The following PCDH15 variants were observed in gnomAD, a reference collection of about 807,000 sequenced individuals.
The protein encoded by PCDH15 is protocadherin related 15.
Under a neutral mutation model 178.5 loss-of-function variants are expected in PCDH15, and 129 were observed. The ratio of observed to expected loss-of-function variants is 0.72; its 90% CI spans 0.63 to 0.84. The LOEUF (loss-of-function observed/expected upper bound fraction) is 0.84, where lower values mean the gene tolerates loss of function less well. PCDH15 is among the 40% of genes least tolerant of loss of function. The probability of loss-of-function intolerance (pLI) is 0.00; values close to 1 mark genes in which losing one functional copy is unlikely to be tolerated. For synonymous variants in PCDH15, 800 were observed against 732.0 expected (o/e 1.09, Z -1.50); for missense variants, 2,230 against 2,099.9 (o/e 1.06, Z -1.21).
intron 2 of PCDH15, among the ~76,000 whole-genome samples, chr10:54,532,527 C>A (rs2084032954): frequency 6.6e-6 from 1 of 152,114 alleles, no homozygotes; most frequent in Admixed American, 6.6e-5. Context: ...TGTTTCTATT[C>A]CTCACGGTTG....
At chr10:54,944,485 GC>G (rs1381725372) in intron 2 of PCDH15, among the ~76,000 whole-genome samples, 1 of 151,918 alleles carries the variant, frequency 6.6e-6, no homozygotes, top group African/African-American at 2.4e-5. Context: ...AGTCAGAGGA[GC>G]TGTCTGGATT....
chr10:54,645,413 A>T (rs184990620), intron 2 of PCDH15, among the ~76,000 whole-genome samples: 17 of 152,240 alleles, frequency 1.1e-4, no homozygotes, highest in African/African-American at 4.1e-4. Context: ...ATAGAATAAC[A>T]CCCACACACG....
chr10:53,989,391 T>A (rs1419181809), intron 21 of PCDH15, among the ~76,000 whole-genome samples: 1 of 152,186 alleles, frequency 6.6e-6, no homozygotes, highest in African/African-American at 2.4e-5. Context: ...ATTATTTACA[T>A]CTGAATTGTT....
intron 6 of PCDH15, among the ~76,000 whole-genome samples, chr10:54,333,311 A>G (rs993841733): frequency 5.9e-5 from 9 of 152,106 alleles, no homozygotes; most frequent in African/African-American, 2.2e-4. Flanking sequence ...TTTATCATCA[A>G]TGGTGCTTCT....
intron 15 of PCDH15, among the ~76,000 whole-genome samples, chr10:54,098,669 G>T (rs2094748204): frequency 6.6e-6 from 1 of 152,108 alleles, no homozygotes; most frequent in Non-Finnish European, 1.5e-5. Flanking sequence ...TAAATATACT[G>T]TGCATAGTAG....
intron 1 of PCDH15, among the ~76,000 whole-genome samples, chr10:55,242,541 A>C (rs1410685603): frequency 6.6e-6 from 1 of 152,158 alleles, no homozygotes; most frequent in Non-Finnish European, 1.5e-5. Flanking sequence ...ATGAGAAGAT[A>C]AAATCACAAA....
chr10:54,428,506 C>T (rs1589363523), intron 3 of PCDH15, among the ~76,000 whole-genome samples: 1 of 152,176 alleles, frequency 6.6e-6, no homozygotes, highest in African/African-American at 2.4e-5. Context: ...GTAAATCTGG[C>T]AGCTTTTACT....
At chr10:53,820,581 T>TAAGTA (rs2076224403) in intron 32 of PCDH15, among the ~76,000 whole-genome samples, 1 of 152,076 alleles carries the variant, frequency 6.6e-6, no homozygotes, top group South Asian at 2.1e-4. Context: ...GAGTGTTTTA[T>TAAGTA]AAGTATTTGT....
At chr10:54,105,317 T>TATATATACACAC (rs1233590982) in intron 15 of PCDH15, among the ~76,000 whole-genome samples, 1 of 91,586 alleles carries the variant, frequency 1.1e-5, no homozygotes, top group Non-Finnish European at 2.2e-5. Flanking sequence ...TATATATATA[T>TATATATACACAC]ACACACACAC....
At chr10:54,513,784 A>G (rs2081942913) in intron 3 of PCDH15, among the ~76,000 whole-genome samples, 1 of 152,186 alleles carries the variant, frequency 6.6e-6, no homozygotes, top group Admixed American at 6.5e-5. Flanking sequence ...CACTTTCTCA[A>G]AAAACAGTAT....
intron 2 of PCDH15, among the ~76,000 whole-genome samples, chr10:55,503,032 G>T (rs574849619): frequency 1.5e-4 from 22 of 151,562 alleles, no homozygotes; most frequent in African/African-American, 5.3e-4. Flanking sequence ...AAATTATACA[G>T]ATTAACTCAT....
intron 2 of PCDH15, among the ~76,000 whole-genome samples, chr10:55,485,936 C>A (rs1565187512): frequency 6.6e-6 from 1 of 151,630 alleles, no homozygotes; most frequent in Non-Finnish European, 1.5e-5. Flanking sequence ...CAGAACCAAT[C>A]CGTAATAAAA....
chr10:54,550,872 T>C (rs1006366818), intron 2 of PCDH15, among the ~76,000 whole-genome samples: 1 of 152,076 alleles, frequency 6.6e-6, no homozygotes, highest in Non-Finnish European at 1.5e-5. Flanking sequence ...AAATGTCTTT[T>C]AGGCAGGGTG....
At chr10:55,506,653 A>G (rs1173911902) in intron 2 of PCDH15, among the ~76,000 whole-genome samples, 1 of 151,578 alleles carries the variant, frequency 6.6e-6, no homozygotes, top group African/African-American at 2.4e-5. Flanking sequence ...CACTTTATTC[A>G]AGGCTATAAT....
rs1431719581 is a variant in PCDH15, at chr10:54,709,855, T to G, written c.-28-45565A>C. ...AACTTATGGTTTTACTTTAACCAGA[T>G]TTTTAGGAATTTTCCACTCATGCAA... is the stretch of plus-strand genomic sequence containing the variant. On this transcript the variant is annotated intron_variant, in intron 1 of 37. Transcript: ENST00000644397. 2.8e-5 allele frequency among the ~76,000 whole-genome samples: 4 copies of G among 143,666 alleles called. No homozygotes were observed. In the Admixed American group the frequency reaches 2.8e-4, roughly 10 times the overall value. The allele number at this position is 143,666 out of a possible 152,430, so 94.3% of individuals were successfully genotyped here.
chr10:54,430,094 C>CTT (rs1956788738), intron 3 of PCDH15, among the ~76,000 whole-genome samples: 1 of 145,390 alleles, frequency 6.9e-6, no homozygotes, highest in African/African-American at 2.5e-5. Flanking sequence ...CTGGCTCTCT[C>CTT]ACCCAGGCTG....
chr10:55,146,428 G>C (rs1287887082), intron 2 of PCDH15, among the ~76,000 whole-genome samples: 1 of 151,880 alleles, frequency 6.6e-6, no homozygotes, highest in African/African-American at 2.4e-5. Flanking sequence ...CATTAACAAT[G>C]GTAGAGGCAA....
intron 1 of PCDH15, among the ~76,000 whole-genome samples, chr10:55,253,675 T>C (rs1841908558): frequency 6.6e-6 from 1 of 152,160 alleles, no homozygotes; most frequent in African/African-American, 2.4e-5. Flanking sequence ...CCTATTCTTG[T>C]AAAGTATATG....
intron 2 of PCDH15, among the ~76,000 whole-genome samples, chr10:54,940,829 A>G (rs1838042706): frequency 6.6e-6 from 1 of 151,816 alleles, no homozygotes; most frequent in South Asian, 2.1e-4. Flanking sequence ...TCTATAGTTT[A>G]TTACTAATAT....
Sources: gnomAD v4.1 joint callset for allele counts (sites outside exome capture counted in the v4.1 genomes callset) on GRCh38, gnomAD v4.1.1 for gene constraint, MANE v1.5 for transcripts, NCBI Gene and HGNC (gene_info 2026-07-23, HGNC 2026-07-21) for gene names.